Variants in UNC13C observed in about 807,000 individuals in gnomAD.
UNC13C encodes the protein protein unc-13 homolog C.
In UNC13C, 174 loss-of-function variants were observed where a neutral mutation model predicts 245.4. The observed-to-expected ratio is 0.71, with a 90% CI of 0.63 to 0.80. The LOEUF (loss-of-function observed/expected upper bound fraction) is 0.80, where lower values mean the gene tolerates loss of function less well. Among genes scored for constraint, UNC13C ranks in the 30% least tolerant of loss-of-function variants. UNC13C has a pLI of 0.00. For synonymous variants in UNC13C, 992 were observed against 895.1 expected (o/e 1.11, Z -1.93); for missense variants, 2,829 against 2,602.9 (o/e 1.09, Z -1.89).
chr15:53,928,073 C>T, the UNC13C span, among the ~76,000 whole-genome samples: 2 of 152,098 alleles, frequency 1.3e-5, no homozygotes, highest in Non-Finnish European at 1.5e-5. Flanking sequence ...GAGACCAGCT[C>T]AGTCGGGGAG....
At chr15:54,020,584 AT>A (rs1895859666) in intron 2 of UNC13C, among the ~76,000 whole-genome samples, 1 of 151,256 alleles carries the variant, frequency 6.6e-6, no homozygotes, top group Non-Finnish European at 1.5e-5. Context: ...CACCCGGCCG[AT>A]TTTTCTTAAC....
chr15:53,878,765 A>G, the UNC13C span, among the ~76,000 whole-genome samples: 1 of 152,244 alleles, frequency 6.6e-6, no homozygotes, highest in Non-Finnish European at 1.5e-5. Flanking sequence ...CACTAAAGGA[A>G]GAAACAACTT....
intron 10 of UNC13C, among the ~76,000 whole-genome samples, chr15:54,285,262 T>G (rs1156586794): frequency 3.3e-5 from 5 of 152,204 alleles, no homozygotes; most frequent in African/African-American, 9.6e-5. Context: ...ACTCTTTTTT[T>G]TTTTAAACTC....
intron 10 of UNC13C, among the ~76,000 whole-genome samples, chr15:54,269,966 A>G (rs1189371720): frequency 6.6e-6 from 1 of 152,250 alleles, no homozygotes; most frequent in Non-Finnish European, 1.5e-5. Flanking sequence ...TAAAATATTT[A>G]TTAACTTTAA....
chr15:54,482,221 C>T (rs965250340), intron 19 of UNC13C, among the ~76,000 whole-genome samples: 2 of 152,118 alleles, frequency 1.3e-5, no homozygotes, highest in Admixed American at 6.5e-5. Context: ...AGGGGGATGT[C>T]AGCAGAGCTT....
the UNC13C span, among the ~76,000 whole-genome samples, chr15:53,841,126 A>G: frequency 6.6e-6 from 1 of 152,106 alleles, no homozygotes; most frequent in South Asian, 2.1e-4. Context: ...CAATTCATAT[A>G]CATTATCTCT....
intron 17 of UNC13C, among the ~76,000 whole-genome samples, chr15:54,374,900 G>A (rs762792267): frequency 1.3e-4 from 20 of 152,230 alleles, no homozygotes; most frequent in Non-Finnish European, 2.6e-4. Context: ...GCAGATCACT[G>A]CAGTATCCAT....
At chr15:53,886,790 C>T in the UNC13C span, among the ~76,000 whole-genome samples, 1 of 152,026 alleles carries the variant, frequency 6.6e-6, no homozygotes, top group Non-Finnish European at 1.5e-5. Context: ...TAGTAGGTAC[C>T]CTTGTTATGA....
At chr15:54,217,483 C>T (rs763259795) in intron 4 of UNC13C, among the ~76,000 whole-genome samples, 4 of 151,914 alleles carry the variant, frequency 2.6e-5, no homozygotes, top group Non-Finnish European at 5.9e-5. Context: ...CAGATAGGTA[C>T]CTACAAGTTC....
At chr15:54,230,296 G>C (rs1596047794) in intron 4 of UNC13C, among the ~76,000 whole-genome samples, 1 of 152,006 alleles carries the variant, frequency 6.6e-6, no homozygotes, top group Non-Finnish European at 1.5e-5. Context: ...TCACTTGTGA[G>C]GTGATATTTC....
chr15:53,888,060 TC>T, the UNC13C span, among the ~76,000 whole-genome samples: 24 of 152,336 alleles, frequency 1.6e-4, no homozygotes, highest in East Asian at 4.4e-3. Context: ...ATCCGTTGGG[TC>T]CATACCCGGT....
chr15:54,350,797 GA>G (rs2038965511), intron 17 of UNC13C, among the ~76,000 whole-genome samples: 1 of 152,108 alleles, frequency 6.6e-6, no homozygotes, highest in African/African-American at 2.4e-5. Flanking sequence ...TGTGTCATGT[GA>G]TTTTTATTTT....
intron 7 of UNC13C, among the ~76,000 whole-genome samples, chr15:54,246,546 CT>C (rs1042660913): frequency 1.9e-4 from 29 of 151,842 alleles, no homozygotes; most frequent in African/African-American, 7.0e-4. Flanking sequence ...ATATCAGTGC[CT>C]TTGTGTTTTA....
chr15:54,223,355 T>A (rs1262198809), intron 4 of UNC13C, among the ~76,000 whole-genome samples: 1 of 152,180 alleles, frequency 6.6e-6, no homozygotes, highest in Non-Finnish European at 1.5e-5. Flanking sequence ...AGGACTATCA[T>A]TTCCCAATGT....
At chr15:54,518,907 T>G (rs957915239) in intron 24 of UNC13C, among the ~76,000 whole-genome samples, 2 of 152,164 alleles carry the variant, frequency 1.3e-5, no homozygotes, top group Admixed American at 6.5e-5. Context: ...CCCAGTCCAT[T>G]TTCACAATTA....
chr15:54,342,235 A>T (rs761937095), intron 17 of UNC13C, among the ~76,000 whole-genome samples: 9 of 152,028 alleles, frequency 5.9e-5, no homozygotes, highest in Admixed American at 1.3e-4. Flanking sequence ...TTTTTTGGTT[A>T]TATGGATTTC....
At position 54,080,006 on chromosome 15, in the gene UNC13C, G is replaced by GTTTTTTTTTTTT. The variant is rs3985784; in HGVS notation, c.2984-63008_2984-62997dup. ...CCTTCAAGGCCTGGTTTGTCGAGCG[G>GTTTTTTTTTTTT]TTTTTTTTTTTTTTTATCATAAAGT... On this transcript the variant is annotated intron_variant, in intron 2 of 32. Coordinates refer to ENST00000260323, the MANE Select transcript of UNC13C (RefSeq NM_001080534.3). 9.3e-4 allele frequency among the ~76,000 whole-genome samples: 121 copies of GTTTTTTTTTTTT among 129,848 alleles called. 10 individuals carry two copies. The highest frequency in any genetic ancestry group is 1.4e-3 in the Non-Finnish European group (81 of 59,254). 85.2% of individuals were successfully genotyped at this position (129,848 alleles called of 152,430 possible). A position where few individuals can be genotyped will look rare whatever the true frequency, so the allele number is the denominator to read the frequency against.
At chr15:54,188,133 A>G (rs957719877) in intron 4 of UNC13C, among the ~76,000 whole-genome samples, 1 of 151,946 alleles carries the variant, frequency 6.6e-6, no homozygotes, top group Non-Finnish European at 1.5e-5. Context: ...GTATGTTTTT[A>G]CTCACCACCT....
chr15:54,223,041 G>T (rs2035274914), intron 4 of UNC13C, among the ~76,000 whole-genome samples: 2 of 151,978 alleles, frequency 1.3e-5, no homozygotes, highest in African/African-American at 2.4e-5. Context: ...CCATTATGTG[G>T]GTTGTCTCTT....
Sources: allele counts gnomAD v4.1 joint callset (sites outside exome capture counted in the v4.1 genomes callset), GRCh38; gene constraint gnomAD v4.1.1; transcripts MANE v1.5; gene names NCBI Gene and HGNC (gene_info 2026-07-23, HGNC 2026-07-21).